The following TSPAN9 variants were observed in gnomAD, a reference collection of about 807,000 sequenced individuals.
The protein encoded by TSPAN9 is tetraspanin-9.
Under a neutral mutation model 31.0 loss-of-function variants are expected in TSPAN9, and 16 were observed. That is an observed-to-expected ratio of 0.52 (90% CI 0.35 to 0.78). The LOEUF is 0.78. Among genes scored for constraint, TSPAN9 ranks in the 30% least tolerant of loss-of-function variants. The pLI is 0.01. For missense variants in TSPAN9, 272 were observed against 312.5 expected (o/e 0.87, Z 0.98); for synonymous variants, 145 against 121.6 (o/e 1.19, Z -1.27).
intron 3 of TSPAN9, among the ~76,000 whole-genome samples, chr12:3,271,144 A>C (rs1314044064): frequency 6.6e-6 from 1 of 152,180 alleles, no homozygotes. Flanking sequence ...CATCTCCCTG[A>C]CACCTTTGTA....
chr12:3,151,878 G>A (rs1228691228), intron 2 of TSPAN9, among the ~76,000 whole-genome samples: 4 of 152,034 alleles, frequency 2.6e-5, no homozygotes, highest in African/African-American at 7.3e-5. Flanking sequence ...AGCCGAGATC[G>A]TGCTATTACA....
At chr12:3,228,542 G>C (rs937430379) in intron 3 of TSPAN9, among the ~76,000 whole-genome samples, 2 of 152,186 alleles carry the variant, frequency 1.3e-5, no homozygotes, top group Admixed American at 6.5e-5. Flanking sequence ...CCACCCCATG[G>C]GGTGGATGAA....
chr12:3,094,375 A>G (rs1215142485), intron 2 of TSPAN9, among the ~76,000 whole-genome samples: 1 of 152,188 alleles, frequency 6.6e-6, no homozygotes, highest in Non-Finnish European at 1.5e-5. Context: ...GCAGCAGAGC[A>G]GAAGACTCCA....
intron 3 of TSPAN9, 65 bp downstream of exon 3, chr12:3,201,321 A>T: frequency 7.0e-7 from 1 of 1,431,466 alleles, no homozygotes; most frequent in Non-Finnish European, 9.9e-7. Flanking sequence ...CATAGCGTGA[A>T]TACCCTCTCC....
At chr12:3,223,915 A>G (rs1244336342) in intron 3 of TSPAN9, among the ~76,000 whole-genome samples, 5 of 152,208 alleles carry the variant, frequency 3.3e-5, no homozygotes, top group Middle Eastern at 3.4e-3. Context: ...GCTGGGTTCC[A>G]TCTCCTGAAA....
At chr12:3,224,510 G>A (rs191552723) in intron 3 of TSPAN9, among the ~76,000 whole-genome samples, 96 of 152,366 alleles carry the variant, frequency 6.3e-4, no homozygotes, top group Non-Finnish European at 8.8e-4. Flanking sequence ...GGGGGCAGAG[G>A]CGGAATCAGG....
chr12:3,081,844 G>A (rs61918056), intron 1 of TSPAN9, among the ~76,000 whole-genome samples: 30,606 of 116,372 alleles, frequency 0.26, 5,001 homozygotes, highest in South Asian at 0.4. Flanking sequence ...GTCTGTGTGT[G>A]TATATATATG....
chr12:3,247,301 C>CGG (rs1446144242), intron 3 of TSPAN9, among the ~76,000 whole-genome samples: 1 of 13,454 alleles, frequency 7.4e-5, no homozygotes, highest in Non-Finnish European at 1.8e-4. Flanking sequence ...ACTGGCCAGC[C>CGG]CCCCCCCCCC....
At chr12:3,109,307 A>AGAGAGAGAGTGTGTGT (rs560687812) in intron 2 of TSPAN9, among the ~76,000 whole-genome samples, 41 of 143,312 alleles carry the variant, frequency 2.9e-4, no homozygotes, top group African/African-American at 1.1e-3. Flanking sequence ...TGTGAGAGAG[A>AGAGAGAGAGTGTGTGT]GTGTGTGTGT....
At chr12:3,226,761 TATATATATATATATATATA>T (rs2098387762) in intron 3 of TSPAN9, among the ~76,000 whole-genome samples, 1 of 1,784 alleles carries the variant, frequency 5.6e-4, no homozygotes. Flanking sequence ...TATATATATA[TATATATATATATATATATA>T]TATATATATA....
chr12:3,220,965 A>T (rs2098384196), intron 3 of TSPAN9, among the ~76,000 whole-genome samples: 1 of 152,148 alleles, frequency 6.6e-6, no homozygotes, highest in Non-Finnish European at 1.5e-5. Context: ...GCAGAGAGAT[A>T]TTTCCAGTCT....
At chr12:3,132,416 A>C (rs2098330218) in intron 2 of TSPAN9, among the ~76,000 whole-genome samples, 1 of 151,988 alleles carries the variant, frequency 6.6e-6, no homozygotes, top group Non-Finnish European at 1.5e-5. Flanking sequence ...ATTTCTCCAC[A>C]TCCTTGCCAA....
intron 2 of TSPAN9, among the ~76,000 whole-genome samples, chr12:3,175,618 C>T (rs1265275387): frequency 7.6e-5 from 2 of 26,474 alleles, no homozygotes; most frequent in Non-Finnish European, 3.4e-4. Flanking sequence ...GTCTGGAGGC[C>T]TCTAAGTGAG....
intron 2 of TSPAN9, among the ~76,000 whole-genome samples, chr12:3,086,285 G>A (rs968647244): frequency 9.9e-5 from 15 of 151,870 alleles, no homozygotes; most frequent in African/African-American, 3.6e-4. Flanking sequence ...TTGGGAGCAC[G>A]ATCCTATCTG....
chr12:3,169,987 T>C (rs767030949), intron 2 of TSPAN9, among the ~76,000 whole-genome samples: 23 of 113,420 alleles, frequency 2.0e-4, no homozygotes, highest in Non-Finnish European at 3.5e-4. Flanking sequence ...AGAGCCCTGA[T>C]GGAGGAGTCA....
chr12:3,160,233 A>G (rs974658478), intron 2 of TSPAN9, among the ~76,000 whole-genome samples: 1 of 152,230 alleles, frequency 6.6e-6, no homozygotes, highest in African/African-American at 2.4e-5. Flanking sequence ...CATACTTAGC[A>G]TAAGGTTTTC....
chr12:3,134,692 C>T (rs567074602), intron 2 of TSPAN9, among the ~76,000 whole-genome samples: 79 of 152,200 alleles, frequency 5.2e-4, no homozygotes, highest in African/African-American at 1.5e-3. Context: ...AGACAGAAGG[C>T]GGGAAGCATT....
At chr12:3,251,854 G>A (rs1454715183) in intron 3 of TSPAN9, among the ~76,000 whole-genome samples, 1 of 152,178 alleles carries the variant, frequency 6.6e-6, no homozygotes, top group Non-Finnish European at 1.5e-5. Flanking sequence ...GGAGCCCCTA[G>A]TGTAGTGGAG....
At chr12:3,214,345 C>T (rs2098380263) in intron 3 of TSPAN9, among the ~76,000 whole-genome samples, 1 of 152,238 alleles carries the variant, frequency 6.6e-6, no homozygotes, top group Non-Finnish European at 1.5e-5. Context: ...GACTGCCTCA[C>T]CTGGACTACG....
Sources: gnomAD v4.1 joint callset for allele counts (sites outside exome capture counted in the v4.1 genomes callset) on GRCh38, gnomAD v4.1.1 for gene constraint, MANE v1.5 for transcripts, NCBI Gene and HGNC (gene_info 2026-07-23, HGNC 2026-07-21) for gene names.